Variants in GPD2 observed in about 807,000 individuals in gnomAD.
GPD2 encodes the protein glycerol-3-phosphate dehydrogenase, mitochondrial.
Under a neutral mutation model 82.4 loss-of-function variants are expected in GPD2, and 54 were observed. The ratio of observed to expected loss-of-function variants is 0.66; its 90% CI spans 0.53 to 0.82. The LOEUF is 0.82. Ranked by LOEUF, GPD2 falls within the 40% of genes least tolerant of loss-of-function variation. The pLI is 0.00. For missense variants in GPD2, 748 were observed against 896.2 expected (o/e 0.83, Z 2.11); for synonymous variants, 288 against 306.1 (o/e 0.94, Z 0.62).
rs559288023 is a variant in GPD2 at position 156,551,393 on chromosome 2, A to G, written c.971+647A>G. 1.2e-4 allele frequency among the ~76,000 whole-genome samples: 19 copies of G among 152,272 alleles called. No homozygotes were observed. In the South Asian group the frequency reaches 3.9e-3, roughly 32 times the overall value. ...TTATATATGTTTGAAATTTTTAATA[A>G]ATTACAAAAGAAACATTTGTGTGGT... On this transcript the variant is annotated intron_variant, in intron 8 of 16. Coordinates refer to ENST00000438166, the MANE Select transcript of GPD2 (RefSeq NM_000408.5).
At chr2:156,564,834 A>T (rs1687318617) in intron 9 of GPD2, among the ~76,000 whole-genome samples, 1 of 152,132 alleles carries the variant, frequency 6.6e-6, no homozygotes, top group Non-Finnish European at 1.5e-5. Context: ...CTCAGGCTAA[A>T]AAGCTGAATC....
intron 1 of GPD2, among the ~76,000 whole-genome samples, chr2:156,458,671 G>A (rs1050938866): frequency 2.6e-5 from 4 of 152,166 alleles, no homozygotes; most frequent in South Asian, 2.1e-4. Context: ...ATGAGAAAAA[G>A]TTGTATAACA....
In GPD2 at chr2:156,557,506, C is replaced by A. The variant is rs763210942; in HGVS notation, c.1089C>A (p.His363Gln). 18 of 1,593,842 alleles carry A rather than the reference C, an allele frequency of 1.1e-5. No individual in the cohort carries two copies. In the South Asian group the frequency reaches 1.9e-4, roughly 17 times the overall value. Residue 363 changes from histidine (H) to glutamine (Q), a missense_variant, in exon 9 of 17, where the codon CAC becomes CAA. By Grantham distance (24) the His-to-Gln change is conservative. Around this residue, in one of 3 missense-constraint regions of GPD2, gnomAD observed 692 missense variants for 809.7 expected, o/e 0.85. Coordinates refer to ENST00000438166, the MANE Select transcript of GPD2 (RefSeq NM_000408.5). ...CTGATACTCCAACTGATGTTACACACCATCCAATTCCTTCAGAAGAAGATA... is the reference window on the plus strand; with the variant it reads ...CTGATACTCCAACTGATGTTACACAACATCCAATTCCTTCAGAAGAAGATA... ...GTTDTPTDVT[H>Q]HPIPSEEDIN...
At chr2:156,488,692 G>A (rs906705537) in intron 2 of GPD2, among the ~76,000 whole-genome samples, 2 of 151,694 alleles carry the variant, frequency 1.3e-5, no homozygotes, top group Non-Finnish European at 2.9e-5. Flanking sequence ...TCCTGTTCAG[G>A]GTGAACGTTC....
intron 9 of GPD2, among the ~76,000 whole-genome samples, chr2:156,561,039 G>GCTTTTTTTTT: frequency 5.1e-5 from 1 of 19,514 alleles, no homozygotes; most frequent in Non-Finnish European, 1.2e-4. Context: ...GTGACATTAA[G>GCTTTTTTTTT]CTTTTTTTTT....
intron 1 of GPD2, among the ~76,000 whole-genome samples, chr2:156,452,245 T>G (rs371758834): frequency 4.6e-5 from 7 of 151,636 alleles, no homozygotes; most frequent in East Asian, 1.9e-4. Flanking sequence ...TCACGCCACC[T>G]CACTCCAGCC....
At position 156,581,756 on chromosome 2, in the gene GPD2, ATC is replaced by A. The variant is rs1317348412; in HGVS notation, c.2059-1033_2059-1032del. Among the ~76,000 whole-genome samples the A allele has an allele frequency of 4.6e-5, 7 of 152,200 alleles. No homozygotes were observed. In the East Asian group the frequency reaches 1.4e-3, roughly 29 times the overall value. ...ATGACACTTTTGCATGTAGGAGTCCATCTCTAATAAGCAATAGCTTGTGAAAC... is the reference window on the plus strand; with the variant it reads ...ATGACACTTTTGCATGTAGGAGTCCATCTAATAAGCAATAGCTTGTGAAAC... On this transcript the variant is annotated intron_variant, in intron 16 of 16. Transcript: ENST00000438166.
the GPD2 span, among the ~76,000 whole-genome samples, chr2:156,413,339 T>C: frequency 6.6e-6 from 1 of 152,054 alleles, no homozygotes; most frequent in Non-Finnish European, 1.5e-5. Context: ...TCCAGCACTT[T>C]GGGAGGCCGA....
At chr2:156,553,954 T>G (rs758060385) in intron 8 of GPD2, among the ~76,000 whole-genome samples, 3 of 152,158 alleles carry the variant, frequency 2.0e-5, no homozygotes, top group Non-Finnish European at 4.4e-5. Flanking sequence ...TGGGAGAAAT[T>G]AATATCCCCA....
At chr2:156,429,596 C>T in the GPD2 span, among the ~76,000 whole-genome samples, 8 of 152,176 alleles carry the variant, frequency 5.3e-5, no homozygotes, top group Admixed American at 3.9e-4. Flanking sequence ...ATGCTTTAGA[C>T]ATTTATTTTA....
At chr2:156,518,682 GT>G (rs1430503630) in intron 6 of GPD2, among the ~76,000 whole-genome samples, 1 of 152,106 alleles carries the variant, frequency 6.6e-6, no homozygotes, top group Non-Finnish European at 1.5e-5. Flanking sequence ...TGGTCTTTTT[GT>G]TGTTTGTTTT....
intron 6 of GPD2, among the ~76,000 whole-genome samples, chr2:156,540,852 C>T (rs374938987): frequency 7.2e-5 from 11 of 152,260 alleles, no homozygotes; most frequent in African/African-American, 2.6e-4. Context: ...AGTATTCATG[C>T]AGTGCAGAGA....
At chr2:156,516,922 G>C (rs891897512) in intron 6 of GPD2, among the ~76,000 whole-genome samples, 1 of 152,200 alleles carries the variant, frequency 6.6e-6, no homozygotes, top group Admixed American at 6.5e-5. Context: ...AGATCTGTAA[G>C]GTATCTTCAA....
At position 156,582,870 on chromosome 2, in the gene GPD2, C is replaced by A; in HGVS notation, c.2136C>A (p.Leu712=). ...TAATGAAAACTGCAGAAGAGAACCT[C>A]GACAGAAGAGTTCCAATTCCAGTGG... The part of the protein sequence containing the change: ...AILMKTAEEN[L]DRRVPIPVDR... The change falls in exon 17 of 17, where the codon CTC becomes CTA. Residue 712 remains leucine, a synonymous_variant. Transcript: ENST00000438166. The A allele has an allele frequency of 1.2e-6, 2 of 1,613,086 alleles. No homozygotes were observed. The highest frequency in any genetic ancestry group is 1.7e-6 in the Non-Finnish European group (2 of 1,179,266).
At chr2:156,425,986 C>T in the GPD2 span, among the ~76,000 whole-genome samples, 5,225 of 151,014 alleles carry the variant, frequency 0.035, 318 homozygotes, top group African/African-American at 0.12. Context: ...GCAGTGGCGC[C>T]ATCTCGGCTC....
At chr2:156,502,620 T>A (rs559030851) in intron 3 of GPD2, among the ~76,000 whole-genome samples, 19 of 152,148 alleles carry the variant, frequency 1.2e-4, no homozygotes, top group African/African-American at 4.3e-4. Context: ...AGAGATGAGG[T>A]CTTGCTGCAT....
intron 2 of GPD2, chr2:156,495,756 C>A (rs1684347170): frequency 2.4e-6 from 1 of 419,028 alleles, no homozygotes; most frequent in Non-Finnish European, 4.6e-6. Context: ...AATTGCTATA[C>A]AGTGTTGTGA....
chr2:156,490,387 GA>G (rs5835615), intron 2 of GPD2, among the ~76,000 whole-genome samples: 2,093 of 129,934 alleles, frequency 0.016, 51 homozygotes, highest in African/African-American at 0.055. Flanking sequence ...AGCTTTTATG[GA>G]AAAAAAAAAA....
intron 2 of GPD2, among the ~76,000 whole-genome samples, chr2:156,481,734 G>GC (rs1398113582): frequency 1.3e-5 from 2 of 151,814 alleles, no homozygotes; most frequent in African/African-American, 4.8e-5. Context: ...ACCCACCTCG[G>GC]CCCCAAAGTG....
Sources: allele counts gnomAD v4.1 joint callset (sites outside exome capture counted in the v4.1 genomes callset), GRCh38; gene constraint gnomAD v4.1.1; regional missense constraint gnomAD v4.1.1; transcripts MANE v1.5; gene names NCBI Gene and HGNC (gene_info 2026-07-23, HGNC 2026-07-21).